ERLIN1: variants seen among roughly 807,000 people sequenced by gnomAD.
ERLIN1 encodes the protein ER lipid raft associated 1.
A neutral mutation model predicts 46.9 loss-of-function variants in ERLIN1; 24 were observed. The ratio of observed to expected loss-of-function variants is 0.51; its 90% CI spans 0.37 to 0.72. ERLIN1 has a LOEUF of 0.72. Among genes scored for constraint, ERLIN1 ranks in the 30% least tolerant of loss-of-function variants. ERLIN1 has a pLI of 0.00. For missense variants in ERLIN1, 293 were observed against 417.9 expected (o/e 0.70, Z 2.61); for synonymous variants, 158 against 143.2 (o/e 1.10, Z -0.74).
chr10:100,182,253 C>T (rs1844702524), intron 2 of ERLIN1, among the ~76,000 whole-genome samples: 1 of 146,818 alleles, frequency 6.8e-6, no homozygotes, highest in African/African-American at 2.5e-5. Context: ...TGGTCTCAAA[C>T]TCCTAGGCTC....
At chr10:100,179,569 G>A (rs935943042) in intron 2 of ERLIN1, among the ~76,000 whole-genome samples, 1 of 151,712 alleles carries the variant, frequency 6.6e-6, no homozygotes, top group African/African-American at 2.4e-5. Context: ...CGGTTCTTGT[G>A]CCCCAGCCTC....
rs1448885418 is a variant in ERLIN1 at position 100,150,713 on chromosome 10, A to T, written c.*1418T>A. The stretch of plus-strand genomic sequence containing the variant: ...CTGAAAGATTTCTAGAAGTGGTCCC[A>T]TGACTTTTTTGTTGAGCTTCAACAT... On this transcript the variant is annotated 3_prime_UTR_variant, in exon 11 of 11. Transcript: ENST00000421367. 1 of 152,632 alleles carries T rather than the reference A, an allele frequency of 6.6e-6. No homozygotes were observed. Among genetic ancestry groups the T allele is most frequent in the Non-Finnish European group, 1.5e-5 (1 of 68,044 alleles). The allele number at this position is 152,632 out of a possible 1,614,324, so 9.5% of individuals were successfully genotyped here.
At chr10:100,178,383 T>G (rs1431909819) in intron 3 of ERLIN1, among the ~76,000 whole-genome samples, 189 bp from the exon 4 acceptor site, 3 of 152,238 alleles carry the variant, frequency 2.0e-5, no homozygotes, top group African/African-American at 7.2e-5. Context: ...CTTGTAATAG[T>G]CATTTAAAAT....
At chr10:100,162,462 G>A (rs575910775) in intron 8 of ERLIN1, among the ~76,000 whole-genome samples, 4 of 152,298 alleles carry the variant, frequency 2.6e-5, no homozygotes, top group African/African-American at 9.6e-5. Flanking sequence ...TTGTTGAAGA[G>A]ATGGTAAAAT....
Position 100,174,216 on chromosome 10 carries a change from T to C in ERLIN1, c.496A>G (p.Thr166Ala), listed in dbSNP as rs1347300132. 3 of 1,561,030 alleles carry C rather than the reference T, an allele frequency of 1.9e-6. No individual in the cohort carries two copies. In the South Asian group the frequency reaches 3.5e-5, roughly 18 times the overall value. Reference protein sequence around the residue: ...KDLNLMAPGLTIQAVRVTKPK... With the variant: ...KDLNLMAPGLAIQAVRVTKPK... ...CTAGGAAAAGAACTTACCTGTATAG[T>C]GAGACCTGGGGCCATGAGGTTTAAG... is the stretch of plus-strand genomic sequence containing the variant. The change falls in exon 6 of 11, where the codon ACT (threonine) becomes GCT (alanine). Residue 166 changes from threonine (T) to alanine (A), a missense_variant. By Grantham distance (58) the Thr-to-Ala change is moderately conservative. Coordinates refer to ENST00000421367, the MANE Select transcript of ERLIN1 (RefSeq NM_006459.4).
At chr10:100,184,057 C>T (rs1017422673) in intron 1 of ERLIN1, among the ~76,000 whole-genome samples, 1 of 152,142 alleles carries the variant, frequency 6.6e-6, no homozygotes, top group East Asian at 1.9e-4. Flanking sequence ...GTTTCATAAG[C>T]TCAACCAACC....
chr10:100,185,641 G>A lies in ERLIN1; in HGVS notation c.-15C>T. The A allele has an allele frequency of 6.2e-7, 1 of 1,608,554 alleles. No individual in the cohort carries two copies. The highest frequency in any genetic ancestry group is 8.5e-7 in the Non-Finnish European group (1 of 1,175,162). On this transcript the variant is annotated 5_prime_UTR_variant, in exon 1 of 11. Coordinates refer to ENST00000421367, the MANE Select transcript of ERLIN1 (RefSeq NM_006459.4). ...GTCATATTCATTCTCGTTCCTCCTGGGAGCGGGAGAAAAGGACCCTCAGTC... is the reference window on the plus strand; with the variant it reads ...GTCATATTCATTCTCGTTCCTCCTGAGAGCGGGAGAAAAGGACCCTCAGTC...
At chr10:100,171,134 C>G (rs1023641957) in intron 6 of ERLIN1, among the ~76,000 whole-genome samples, 5 of 152,110 alleles carry the variant, frequency 3.3e-5, no homozygotes, top group African/African-American at 4.8e-5. Flanking sequence ...AATTGCTATA[C>G]TTTTAAGGTG....
intron 5 of ERLIN1, 123 bp downstream of exon 5, chr10:100,175,822 C>A: frequency 1.4e-6 from 1 of 701,876 alleles, no homozygotes; most frequent in Non-Finnish European, 2.1e-6. Context: ...AAGACAATTG[C>A]TCTATGATAA....
chr10:100,174,995 TC>T lies in ERLIN1; in HGVS notation c.431-715del, dbSNP rs546791639. Among the ~76,000 whole-genome samples, 80 of 152,212 alleles carry T rather than the reference TC, an allele frequency of 5.3e-4. 1 individual carries two copies. Among genetic ancestry groups the T allele is most frequent in the Admixed American group, 5.2e-4 (8 of 15,278 alleles). ...GTGGTTGACAATCACCAAAGAGGAC[TC>T]AATTGGTAGATTTTAAATTGATTAC... On this transcript the variant is annotated intron_variant, in intron 5 of 10. Coordinates refer to ENST00000421367, the MANE Select transcript of ERLIN1 (RefSeq NM_006459.4).
At chr10:100,160,753 C>T (rs1383537817) in intron 8 of ERLIN1, among the ~76,000 whole-genome samples, 1 of 152,114 alleles carries the variant, frequency 6.6e-6, no homozygotes, top group Non-Finnish European at 1.5e-5. Context: ...TCAAGACCAG[C>T]CTGGGCAACA....
intron 7 of ERLIN1, 127 bp downstream of exon 7, chr10:100,167,221 A>C: frequency 1.4e-6 from 1 of 698,986 alleles, no homozygotes; most frequent in South Asian, 1.7e-5. Context: ...TACTAGAGTA[A>C]GAGTAAAGAA....
At chr10:100,157,287 G>T (rs1219361229) in intron 8 of ERLIN1, among the ~76,000 whole-genome samples, 1 of 152,200 alleles carries the variant, frequency 6.6e-6, no homozygotes. Context: ...AAAGCAGAAA[G>T]CAGGGTGATT....
chr10:100,173,413 T>C (rs1052922039), intron 6 of ERLIN1, among the ~76,000 whole-genome samples: 6 of 152,190 alleles, frequency 3.9e-5, no homozygotes, highest in African/African-American at 1.2e-4. Context: ...CCCGCCACAC[T>C]GTGAAACACA....
intron 6 of ERLIN1, among the ~76,000 whole-genome samples, chr10:100,168,847 T>G (rs1466089317): frequency 6.6e-6 from 1 of 152,014 alleles, no homozygotes; most frequent in South Asian, 2.1e-4. Context: ...GCCCGACTAA[T>G]TTTTGTATTG....
At chr10:100,184,734 A>G (rs1844861987) in intron 1 of ERLIN1, among the ~76,000 whole-genome samples, 2 of 152,222 alleles carry the variant, frequency 1.3e-5, no homozygotes, top group South Asian at 4.1e-4. Flanking sequence ...CCATCTGCTA[A>G]GATATACCAT....
Position 100,176,021 on chromosome 10 carries a change from G to C in ERLIN1, c.354C>G (p.Ile118Met). 1.2e-6 allele frequency: 2 copies of C among 1,612,922 alleles called. No individual in the cohort carries two copies. Among genetic ancestry groups the C allele is most frequent in the Non-Finnish European group, 1.7e-6 (2 of 1,179,036 alleles). Residue 118 changes from isoleucine (I) to methionine (M), a missense_variant, in exon 5 of 11, where the codon ATC (isoleucine) becomes ATG (methionine). Coordinates refer to ENST00000421367, the MANE Select transcript of ERLIN1 (RefSeq NM_006459.4). ...NYTADYDKTL[I>M]FNKIHHELNQ... ...TCAGCTCATGGTGGATTTTATTGAA[G>C]ATTAAGGTCTTGTCATAATCTGCAG... is the stretch of plus-strand genomic sequence containing the variant.
intron 4 of ERLIN1, among the ~76,000 whole-genome samples, chr10:100,176,811 G>C (rs777069582): frequency 6.6e-6 from 1 of 152,100 alleles, no homozygotes; most frequent in Non-Finnish European, 1.5e-5. Context: ...TTCCCATGTG[G>C]GATATTAGAT....
At chr10:100,162,676 G>A (rs1423217338) in intron 8 of ERLIN1, among the ~76,000 whole-genome samples, 2 of 152,034 alleles carry the variant, frequency 1.3e-5, no homozygotes, top group Non-Finnish European at 2.9e-5. Context: ...ACAAATTACA[G>A]TACTAGAAAA....
Sources: gnomAD v4.1 joint callset for allele counts (sites outside exome capture counted in the v4.1 genomes callset) on GRCh38, gnomAD v4.1.1 for gene constraint, MANE v1.5 for transcripts, NCBI Gene and HGNC (gene_info 2026-07-23, HGNC 2026-07-21) for gene names.